Variants in TTC27 observed in about 807,000 individuals in gnomAD.
TTC27 encodes tetratricopeptide repeat domain 27.
In TTC27, 79 loss-of-function variants were observed where a neutral mutation model predicts 115.9. The ratio of observed to expected loss-of-function variants is 0.68; its 90% CI spans 0.57 to 0.82. The LOEUF is 0.82. Ranked by LOEUF, TTC27 falls within the 40% of genes least tolerant of loss-of-function variation. The pLI is 0.00. For missense variants in TTC27, 1,054 were observed against 993.1 expected, an observed-to-expected ratio of 1.06 and a Z score of -0.82; for synonymous variants, 401 against 356.0, an observed-to-expected ratio of 1.13 and a Z score of -1.42.
intron 14 of TTC27, 72 bp from the exon 15 acceptor site, chr2:32,782,554 T>C (rs1572609153): frequency 2.9e-6 from 4 of 1,359,896 alleles, no homozygotes; most frequent in Non-Finnish European, 4.2e-6. Context: ...GAGAGTGTGT[T>C]GTACTTTTGG....
intron 12 of TTC27, among the ~76,000 whole-genome samples, chr2:32,745,425 G>C (rs1202509848): frequency 1.3e-5 from 2 of 152,156 alleles, no homozygotes; most frequent in Non-Finnish European, 2.9e-5. Flanking sequence ...AAGGGCTTGA[G>C]TCATGTGCCT....
chr2:32,782,981 G>A (rs564493750), intron 15 of TTC27, among the ~76,000 whole-genome samples: 1 of 152,226 alleles, frequency 6.6e-6, no homozygotes, highest in South Asian at 2.1e-4. Context: ...CATATGTTTA[G>A]TTGGTCAACT....
chr2:32,703,071 T>C, intron 10 of TTC27, 151 bp downstream of exon 10: 1 of 639,752 alleles, frequency 1.6e-6, no homozygotes, highest in Non-Finnish European at 2.7e-6. Flanking sequence ...ATAATTTAAC[T>C]TCTTGGTTCC....
chr2:32,752,373 A>T (rs1669050328), intron 12 of TTC27, among the ~76,000 whole-genome samples: 1 of 152,246 alleles, frequency 6.6e-6, no homozygotes, highest in South Asian at 2.1e-4. Context: ...CTTCCTGTAC[A>T]TTACACAAAG....
At chr2:32,795,091 C>T (rs577574731) in intron 16 of TTC27, among the ~76,000 whole-genome samples, 18 of 149,888 alleles carry the variant, frequency 1.2e-4, no homozygotes, top group Non-Finnish European at 2.1e-4. Context: ...GCTATGAGGC[C>T]AGCATTACCC....
chr2:32,663,721 G>C (rs925967643), intron 5 of TTC27, among the ~76,000 whole-genome samples: 1 of 152,090 alleles, frequency 6.6e-6, no homozygotes, highest in Admixed American at 6.6e-5. Flanking sequence ...TTCTTGCTCT[G>C]TCGCTCAGGC....
At chr2:32,717,558 T>G (rs1466165756) in intron 10 of TTC27, among the ~76,000 whole-genome samples, 1 of 152,198 alleles carries the variant, frequency 6.6e-6, no homozygotes, top group Non-Finnish European at 1.5e-5. Context: ...CCTTTTTTTT[T>G]GTATTGCCTC....
chr2:32,694,077 T>C (rs912051691), intron 9 of TTC27, among the ~76,000 whole-genome samples: 3 of 152,226 alleles, frequency 2.0e-5, no homozygotes, highest in Admixed American at 1.3e-4. Context: ...AACAAGAGGC[T>C]AACTCTCTAG....
intron 10 of TTC27, among the ~76,000 whole-genome samples, chr2:32,724,905 G>A (rs1293713926): frequency 6.6e-6 from 1 of 152,186 alleles, no homozygotes; most frequent in Non-Finnish European, 1.5e-5. Flanking sequence ...GTTCCATGTG[G>A]CCAAGGAGGC....
chr2:32,632,005 T>G (rs1259512373), intron 2 of TTC27, among the ~76,000 whole-genome samples: 2 of 151,836 alleles, frequency 1.3e-5, no homozygotes, highest in East Asian at 3.9e-4. Context: ...GAGATGGGGT[T>G]TCACCATGTT....
At chr2:32,687,212 A>G (rs1979151) in intron 9 of TTC27, among the ~76,000 whole-genome samples, 3 of 151,946 alleles carry the variant, frequency 2.0e-5, no homozygotes, top group Admixed American at 6.6e-5. Context: ...TGTGGTTGCA[A>G]AGTTTCTACA....
intron 16 of TTC27, among the ~76,000 whole-genome samples, chr2:32,798,913 G>T (rs1357925398): frequency 6.6e-6 from 1 of 152,060 alleles, no homozygotes; most frequent in Admixed American, 6.6e-5. Context: ...TTTAAAGCAG[G>T]ATCTCAAAGA....
At chr2:32,725,924 C>T (rs1193071853) in intron 10 of TTC27, among the ~76,000 whole-genome samples, 1 of 122,908 alleles carries the variant, frequency 8.1e-6, no homozygotes, top group Non-Finnish European at 1.9e-5. Context: ...ACAGGCTCAA[C>T]ACCAACAGAA....
chr2:32,789,690 C>T (rs141362360), intron 16 of TTC27, among the ~76,000 whole-genome samples: 2,316 of 151,808 alleles, frequency 0.015, 61 homozygotes, highest in African/African-American at 0.054. Flanking sequence ...GAGGCCAAGG[C>T]GGGAAAATTA....
chr2:32,736,128 A>G (rs1009192922), intron 11 of TTC27, among the ~76,000 whole-genome samples: 5 of 152,124 alleles, frequency 3.3e-5, no homozygotes, highest in African/African-American at 1.2e-4. Context: ...ATTTTTAAAT[A>G]TGTTTAACTT....
intron 8 of TTC27, among the ~76,000 whole-genome samples, chr2:32,677,883 A>T (rs1666272542): frequency 6.6e-6 from 1 of 152,242 alleles, no homozygotes; most frequent in African/African-American, 2.4e-5. Flanking sequence ...CATGAGTTTA[A>T]TAAATAAGAC....
chr2:32,722,298 G>A (rs1667959307), intron 10 of TTC27, among the ~76,000 whole-genome samples: 1 of 152,174 alleles, frequency 6.6e-6, no homozygotes, highest in Non-Finnish European at 1.5e-5. Flanking sequence ...ATAACTGTGT[G>A]CATTTGAAAG....
intron 9 of TTC27, among the ~76,000 whole-genome samples, chr2:32,684,862 T>C (rs1329829645): frequency 1.3e-5 from 2 of 150,520 alleles, no homozygotes; most frequent in Non-Finnish European, 2.9e-5. Context: ...AAACTGTACT[T>C]ACACATGTCA....
intron 5 of TTC27, among the ~76,000 whole-genome samples, chr2:32,656,834 A>G (rs1665338865): frequency 6.6e-6 from 1 of 152,216 alleles, no homozygotes; most frequent in South Asian, 2.1e-4. Context: ...CTTTTGGTCA[A>G]TGGCACACAA....
Sources: allele counts gnomAD v4.1 joint callset (sites outside exome capture counted in the v4.1 genomes callset), GRCh38; gene constraint gnomAD v4.1.1; transcripts MANE v1.5; gene names NCBI Gene and HGNC (gene_info 2026-07-23, HGNC 2026-07-21).